HTR4: variants seen among roughly 807,000 people sequenced by gnomAD.
The protein encoded by HTR4 is 5-hydroxytryptamine (serotonin) receptor 4, G protein-coupled.
HTR4 carries 16 observed loss-of-function variants against 36.8 expected under a neutral mutation model. The observed-to-expected ratio is 0.43, with a 90% CI of 0.29 to 0.66. HTR4 has a LOEUF of 0.66. HTR4 is among the 30% of genes least tolerant of loss of function. The pLI is 0.13. For missense variants in HTR4, 438 were observed against 490.9 expected, an observed-to-expected ratio of 0.89 and a Z score of 1.02; for synonymous variants, 189 against 185.1, an observed-to-expected ratio of 1.02 and a Z score of -0.17.
At chr5:148,469,895 C>T (rs770416913) in intron 5 of HTR4, among the ~76,000 whole-genome samples, 14 of 152,330 alleles carry the variant, frequency 9.2e-5, no homozygotes, top group East Asian at 1.9e-4. Flanking sequence ...GTCCACATTC[C>T]GCCTCTTCCT....
intron 1 of HTR4, among the ~76,000 whole-genome samples, chr5:148,642,965 T>TA (rs547281958): frequency 1.3e-5 from 2 of 151,314 alleles, no homozygotes; most frequent in Admixed American, 6.6e-5. Flanking sequence ...ACAAACGATT[T>TA]AAAAAAAAAG....
chr5:148,590,597 T>C (rs893092189), intron 2 of HTR4, among the ~76,000 whole-genome samples: 2 of 152,180 alleles, frequency 1.3e-5, no homozygotes, highest in Admixed American at 1.3e-4. Flanking sequence ...GAATTATATT[T>C]CTACTTTCTG....
At chr5:148,525,536 G>T (rs1248896017) in intron 4 of HTR4, among the ~76,000 whole-genome samples, 3 of 152,116 alleles carry the variant, frequency 2.0e-5, no homozygotes, top group Non-Finnish European at 2.9e-5. Flanking sequence ...TTTCTCCTAG[G>T]ACTCAATGTC....
In HTR4 at chr5:148,563,692, T is replaced by G. The variant is rs1229300719; in HGVS notation, c.27-13430A>C. On this transcript the variant is annotated intron_variant, in intron 2 of 6. Coordinates refer to ENST00000377888, the MANE Select transcript of HTR4 (RefSeq NM_000870.7). ...TATTGAGCATGTACAGACTTTTTCT[T>G]GTCATTATTACGTAAACAATAGATA... Among the ~76,000 whole-genome samples the G allele has an allele frequency of 2.0e-5, 3 of 152,222 alleles. No individual in the cohort carries two copies. In the East Asian group the frequency reaches 5.8e-4, roughly 29 times the overall value.
intron 2 of HTR4, among the ~76,000 whole-genome samples, chr5:148,635,260 A>G (rs755255710): frequency 9.2e-5 from 14 of 152,206 alleles, no homozygotes; most frequent in Non-Finnish European, 1.8e-4. Flanking sequence ...ACAATTTGGT[A>G]AATGTGAGCC....
At chr5:148,620,977 TC>T (rs1355411336) in intron 2 of HTR4, among the ~76,000 whole-genome samples, 5 of 152,170 alleles carry the variant, frequency 3.3e-5, no homozygotes, top group African/African-American at 1.2e-4. Flanking sequence ...TGCCACCTCC[TC>T]ACGTGTACAC....
At chr5:148,520,825 T>C (rs1483787138) in intron 5 of HTR4, 13 of 1,302,860 alleles carry the variant, frequency 1.0e-5, no homozygotes, top group Non-Finnish European at 1.2e-5. Flanking sequence ...ATAAATTGGA[T>C]AGGATTCAAA....
At chr5:148,604,907 T>G (rs772630606) in intron 2 of HTR4, among the ~76,000 whole-genome samples, 6 of 152,318 alleles carry the variant, frequency 3.9e-5, no homozygotes, top group Non-Finnish European at 7.4e-5. Flanking sequence ...TTTCACCACC[T>G]ACCTGGACCA....
At chr5:148,523,754 CCA>C (rs1758134489) in intron 4 of HTR4, among the ~76,000 whole-genome samples, 1 of 152,162 alleles carries the variant, frequency 6.6e-6, no homozygotes. Flanking sequence ...TGGAGGAGCT[CCA>C]CACACACCAG....
At chr5:148,512,188 C>T (rs577978062) in intron 5 of HTR4, among the ~76,000 whole-genome samples, 8 of 152,336 alleles carry the variant, frequency 5.3e-5, no homozygotes, top group Non-Finnish European at 1.0e-4. Flanking sequence ...TCACCTCAAA[C>T]TCTCAGTGTG....
intron 2 of HTR4, among the ~76,000 whole-genome samples, chr5:148,571,095 G>A (rs896269618): frequency 3.3e-5 from 5 of 151,940 alleles, no homozygotes; most frequent in Non-Finnish European, 7.4e-5. Context: ...CATTCTACAG[G>A]CCACATTCTC....
chr5:148,572,193 T>C (rs943303213), intron 2 of HTR4, among the ~76,000 whole-genome samples: 2 of 152,130 alleles, frequency 1.3e-5, no homozygotes, highest in African/African-American at 4.8e-5. Flanking sequence ...TCTGCTTTGA[T>C]AATAATGGAA....
At chr5:148,644,468 A>G (rs1753823235) in intron 1 of HTR4, among the ~76,000 whole-genome samples, 1 of 72,076 alleles carries the variant, frequency 1.4e-5, no homozygotes, top group Non-Finnish European at 2.5e-5. Flanking sequence ...TGGAAACACT[A>G]TTGTCTTAGT....
chr5:148,576,110 C>CAAAAAAAAAAAAAAAAAAAAAAAAAAAAA (rs781780161), intron 2 of HTR4, among the ~76,000 whole-genome samples: 1 of 32,712 alleles, frequency 3.1e-5, no homozygotes, highest in Non-Finnish European at 5.4e-5. Flanking sequence ...GACTCCGTCT[C>CAAAAAAAAAAAAAAAAAAAAAAAAAAAAA]AAAAAAAAAA....
At chr5:148,460,626 C>T (rs184089692) in intron 5 of HTR4, among the ~76,000 whole-genome samples, 1 of 151,738 alleles carries the variant, frequency 6.6e-6, no homozygotes, top group Admixed American at 6.6e-5. Flanking sequence ...ACCTGCCTTG[C>T]AAAAGGAAAA....
In HTR4 at chr5:148,509,832, C is replaced by A; in HGVS notation, c.700G>T (p.Ala234Ser). The change falls in exon 6 of 7, where the codon GCC (alanine) becomes TCC (serine). Residue 234 changes from alanine to serine, a missense_variant. Transcript: ENST00000377888. ...HQIQMLQRAG[A>S]SSESRPQSAD... ...GACTGAGGCCTGCTCTCGGAGGAGG[C>A]TCCTGCCCGTTGTAACATCTGGATC... is the stretch of plus-strand genomic sequence containing the variant. 1 of 1,613,976 alleles carries A rather than the reference C, an allele frequency of 6.2e-7. No homozygotes were observed. Among genetic ancestry groups the A allele is most frequent in the Non-Finnish European group, 8.5e-7 (1 of 1,179,988 alleles).
At chr5:148,647,836 G>A (rs1014595513) in intron 1 of HTR4, among the ~76,000 whole-genome samples, 10 of 152,180 alleles carry the variant, frequency 6.6e-5, no homozygotes, top group South Asian at 4.1e-4. Flanking sequence ...CTGACAGAGC[G>A]AGACTCCATC....
chr5:148,500,224 T>C (rs111660496), intron 6 of HTR4, among the ~76,000 whole-genome samples: 14 of 151,956 alleles, frequency 9.2e-5, no homozygotes, highest in African/African-American at 3.4e-4. Flanking sequence ...CTCAGAGGAG[T>C]GTTATGCCCT....
intron 5 of HTR4, among the ~76,000 whole-genome samples, chr5:148,467,425 G>A (rs1160203604): frequency 6.6e-6 from 1 of 152,048 alleles, no homozygotes; most frequent in Non-Finnish European, 1.5e-5. Flanking sequence ...ACTTTTGAGT[G>A]TGCACCATGT....
Sources: gnomAD v4.1 joint callset for allele counts (sites outside exome capture counted in the v4.1 genomes callset) on GRCh38, gnomAD v4.1.1 for gene constraint, MANE v1.5 for transcripts, NCBI Gene and HGNC (gene_info 2026-07-23, HGNC 2026-07-21) for gene names.